The following ZNF84 variants were observed in gnomAD, a reference collection of about 807,000 sequenced individuals.
ZNF84 encodes zinc finger protein 84.
Under a neutral mutation model 14.8 loss-of-function variants are expected in ZNF84, and 12 were observed. The ratio of observed to expected loss-of-function variants is 0.81; its 90% CI spans 0.52 to 1.31. The LOEUF is 1.31. Ranked by LOEUF, ZNF84 falls within the 50% of genes most tolerant of loss-of-function variation. The pLI, the probability that ZNF84 is intolerant of heterozygous loss-of-function variation, is 0.00. For missense variants in ZNF84, 859 were observed against 878.6 expected, an observed-to-expected ratio of 0.98 and a Z score of 0.28; for synonymous variants, 347 against 291.1, an observed-to-expected ratio of 1.19 and a Z score of -1.96.
intron 2 of ZNF84, among the ~76,000 whole-genome samples, chr12:133,043,362 A>G (rs1373915338): frequency 2.6e-5 from 4 of 152,062 alleles, no homozygotes; most frequent in African/African-American, 9.7e-5. Flanking sequence ...ACGGGGTTTC[A>G]CTGTGTTGCC....
Position 133,048,060 on chromosome 12 carries a change from T to C in ZNF84, c.121T>C (p.Tyr41His). 6.2e-7 allele frequency: 1 copy of C among 1,613,958 alleles called. No homozygotes were observed. Among genetic ancestry groups the C allele is most frequent in the Non-Finnish European group, 8.5e-7 (1 of 1,179,876 alleles). Residue 41 changes from tyrosine to histidine, a missense_variant, in exon 3 of 5, where the codon TAT becomes CAT. Coordinates refer to ENST00000539354, the MANE Select transcript of ZNF84 (RefSeq NM_001289971.2). ...ATACAAGGATGTGATGTTGGAGAAC[T>C]ATAGCAGCCTAGTGTCACTGGGTAA... Reference protein sequence around the residue: ...NLYKDVMLENYSSLVSLGYEV... With the variant: ...NLYKDVMLENHSSLVSLGYEV...
chr12:133,043,185 T>A (rs940615862), intron 2 of ZNF84, among the ~76,000 whole-genome samples: 6 of 152,190 alleles, frequency 3.9e-5, no homozygotes, highest in African/African-American at 1.4e-4. Context: ...CTTTATTTTT[T>A]ATTTTTTTTT....
intron 4 of ZNF84, among the ~76,000 whole-genome samples, chr12:133,054,991 G>A (rs1414474108): frequency 6.6e-6 from 1 of 151,990 alleles, no homozygotes; most frequent in Non-Finnish European, 1.5e-5. Flanking sequence ...AGAAGGTAGG[G>A]CATTTGCCTG....
chr12:133,047,801 A>T, intron 2 of ZNF84, 154 bp from the exon 3 acceptor site: 1 of 761,982 alleles, frequency 1.3e-6, no homozygotes, highest in South Asian at 1.9e-5. Flanking sequence ...AAGAATGCAC[A>T]ATGACATTTT....
Position 133,057,933 on chromosome 12 carries a change from C to T in ZNF84, c.1218C>T (p.Ser406=), listed in dbSNP as rs909077526. ...IHTGEKPYEC[S]ECRKAFRERS... ...CTGGAGAGAAACCCTATGAATGCAG[C>T]GAGTGTAGGAAAGCATTTAGAGAGA... The change falls in exon 5 of 5, where the codon AGC becomes AGT. Residue 406 remains serine (S), a synonymous_variant. Coordinates refer to ENST00000539354, the MANE Select transcript of ZNF84 (RefSeq NM_001289971.2). 6.0e-5 allele frequency: 96 copies of T among 1,613,396 alleles called. No individual in the cohort carries two copies. Among genetic ancestry groups the T allele is most frequent in the Middle Eastern group, 1.7e-4 (1 of 6,060 alleles).
chr12:133,041,238 G>A, intron 1 of ZNF84, 40 bp from the exon 2 acceptor site: 1 of 503,012 alleles, frequency 2.0e-6, no homozygotes. Context: ...GATTTCATGT[G>A]CAATGTGAAT....
rs1359066702 is a variant in ZNF84, at chr12:133,061,910, T to G, written c.*2978T>G. On this transcript the variant is annotated 3_prime_UTR_variant, in exon 5 of 5. Coordinates refer to ENST00000539354, the MANE Select transcript of ZNF84 (RefSeq NM_001289971.2). ...AGCTCTGATTCTGCAATTAGAGATT[T>G]TTTAATGTGTTTTTGAAATTACCTT... The G allele has an allele frequency of 6.6e-6, 1 of 152,210 alleles. No homozygotes were observed. The highest frequency in any genetic ancestry group is 1.5e-5 in the Non-Finnish European group (1 of 68,032). 9.4% of individuals were successfully genotyped at this position (152,210 alleles called of 1,614,324 possible).
chr12:133,042,470 ATTG>A (rs1953903723), intron 2 of ZNF84, among the ~76,000 whole-genome samples: 1 of 152,240 alleles, frequency 6.6e-6, no homozygotes. Flanking sequence ...CTATTTTATT[ATTG>A]TTGTTTATTT....
chr12:133,058,031 C>G lies in ZNF84; in HGVS notation c.1316C>G (p.Ala439Gly). 6.2e-7 allele frequency: 1 copy of G among 1,613,906 alleles called. No individual in the cohort carries two copies. Residue 439 changes from alanine (A) to glycine (G), a missense_variant, in exon 5 of 5, where the codon GCC (alanine) becomes GGC (glycine). Ala to Gly is a moderately conservative substitution (Grantham distance 60). Coordinates refer to ENST00000539354, the MANE Select transcript of ZNF84 (RefSeq NM_001289971.2). ...KPHGCIQCGK[A>G]FSQKSHLISH... Reference sequence around the variant, plus strand: ...CATGGATGCATTCAGTGTGGGAAGGCCTTCTCCCAGAAGTCACATCTCATA... The same window carrying G: ...CATGGATGCATTCAGTGTGGGAAGGGCTTCTCCCAGAAGTCACATCTCATA...
At position 133,057,278 on chromosome 12, in the gene ZNF84, G is replaced by T. The variant is rs1307483834; in HGVS notation, c.563G>T (p.Ser188Ile). 6.2e-7 allele frequency: 1 copy of T among 1,613,574 alleles called. No homozygotes were observed. The highest frequency in any genetic ancestry group is 8.5e-7 in the Non-Finnish European group (1 of 1,179,914). The change falls in exon 5 of 5, where the codon AGC becomes ATC. Residue 188 changes from serine (S) to isoleucine (I), a missense_variant. Ser to Ile is a moderately radical substitution (Grantham distance 142, BLOSUM62 -2). Transcript: ENST00000539354. ...KYYDCDKYKESYKKSQIIIYH... is the reference protein window; with the variant it reads ...KYYDCDKYKEIYKKSQIIIYH... ...TATGACTGTGATAAATATAAAGAGA[G>T]CTATAAAAAGTCACAGATTATCATA... is the stretch of plus-strand genomic sequence containing the variant.
Position 133,058,440 on chromosome 12 carries a change from CTG to C in ZNF84, c.1728_1729del (p.Cys576Ter). On this transcript the variant is annotated frameshift_variant, in exon 5 of 5. Transcript: ENST00000539354. LOFTEE classifies it low-confidence loss of function (END_TRUNC). ...TGEKPYECRD[C>X]EKAFSQKSQL... ...GAGAAAAACCGTATGAATGCAGGGA[CTG>C]TGAAAAAGCTTTCTCCCAGAAATCA... The C allele has an allele frequency of 1.2e-6, 2 of 1,613,658 alleles. No homozygotes were observed. The highest frequency in any genetic ancestry group is 1.7e-5 in the Admixed American group (1 of 59,962).
Position 133,058,437 on chromosome 12 carries a change from G to C in ZNF84, c.1722G>C (p.Arg574Ser). The change falls in exon 5 of 5, where the codon AGG (arginine) becomes AGC (serine). Residue 574 changes from arginine (R) to serine (S), a missense_variant. By Grantham distance (110) the Arg-to-Ser change is moderately radical (BLOSUM62 -1). Transcript: ENST00000539354. ...THTGEKPYEC[R>S]DCEKAFSQKS... ...CTGGAGAAAAACCGTATGAATGCAG[G>C]GACTGTGAAAAAGCTTTCTCCCAGA... is the stretch of plus-strand genomic sequence containing the variant. 1 of 1,613,496 alleles carries C rather than the reference G, an allele frequency of 6.2e-7. No individual in the cohort carries two copies. The highest frequency in any genetic ancestry group is 8.5e-7 in the Non-Finnish European group (1 of 1,179,894).
intron 4 of ZNF84, 118 bp from the exon 5 acceptor site, chr12:133,056,836 A>G (rs112057395): frequency 1.2e-5 from 9 of 739,584 alleles, no homozygotes; most frequent in African/African-American, 7.3e-5. Flanking sequence ...CTTATTTCAG[A>G]CTCGGAAACT....
intron 4 of ZNF84, among the ~76,000 whole-genome samples, chr12:133,054,622 C>CTTTT (rs137958416): frequency 7.0e-6 from 1 of 143,276 alleles, no homozygotes; most frequent in Admixed American, 7.0e-5. Context: ...AGTGGCTTTC[C>CTTTT]TTTTTTTTTT....
intron 2 of ZNF84, among the ~76,000 whole-genome samples, chr12:133,042,506 C>G (rs1397005331): frequency 1.3e-5 from 2 of 152,246 alleles, no homozygotes; most frequent in East Asian, 3.9e-4. Flanking sequence ...AATTCATAAA[C>G]TGAACTTCAC....
chr12:133,055,464 C>A (rs1396405958), intron 4 of ZNF84, among the ~76,000 whole-genome samples: 1 of 151,966 alleles, frequency 6.6e-6, no homozygotes, highest in African/African-American at 2.4e-5. Context: ...GGTAATATTT[C>A]TTAATTCATC....
At chr12:133,039,090 A>G (rs1468898349) in intron 1 of ZNF84, 1 of 152,216 alleles carries the variant, frequency 6.6e-6, no homozygotes, top group Non-Finnish European at 1.5e-5. Flanking sequence ...CTTTTATAAT[A>G]ATAATTATAG....
intron 4 of ZNF84, among the ~76,000 whole-genome samples, chr12:133,056,501 C>T (rs1954161144): frequency 6.6e-6 from 1 of 152,116 alleles, no homozygotes; most frequent in Non-Finnish European, 1.5e-5. Flanking sequence ...GATCTGCCTG[C>T]CTCGGCCTCC....
chr12:133,045,653 G>T (rs1185739204), intron 2 of ZNF84, among the ~76,000 whole-genome samples: 1 of 152,132 alleles, frequency 6.6e-6, no homozygotes, highest in Non-Finnish European at 1.5e-5. Flanking sequence ...AAGAAAGAAA[G>T]AAATTTGCAG....
Sources: allele counts gnomAD v4.1 joint callset (sites outside exome capture counted in the v4.1 genomes callset), GRCh38; gene constraint gnomAD v4.1.1; transcripts MANE v1.5; gene names NCBI Gene and HGNC (gene_info 2026-07-23, HGNC 2026-07-21).